The following CDCA2 variants were observed in gnomAD, a reference collection of about 807,000 sequenced individuals.
The protein encoded by CDCA2 is cell division cycle associated 2, also known as cell division cycle-associated protein 2.
Under a neutral mutation model 67.0 loss-of-function variants are expected in CDCA2, and 44 were observed. The observed-to-expected ratio is 0.66, with a 90% CI of 0.52 to 0.84. The LOEUF (loss-of-function observed/expected upper bound fraction) is 0.84, where lower values mean the gene tolerates loss of function less well. CDCA2 is among the 40% of genes least tolerant of loss of function. CDCA2 has a pLI of 0.00. For missense variants in CDCA2, 1,253 were observed against 1,203.2 expected, an observed-to-expected ratio of 1.04 and a Z score of -0.61; for synonymous variants, 447 against 418.7, an observed-to-expected ratio of 1.07 and a Z score of -0.82.
At chr8:25,491,639 GAGA>G (rs1804007153) in intron 13 of CDCA2, among the ~76,000 whole-genome samples, 1 of 152,140 alleles carries the variant, frequency 6.6e-6, no homozygotes, top group Admixed American at 6.5e-5. Flanking sequence ...TTTATTTTGA[GAGA>G]AGGTCTCACT....
At chr8:25,487,399 A>G (rs1287243870) in intron 12 of CDCA2, 65 bp downstream of exon 12, 8 of 1,005,928 alleles carry the variant, frequency 8.0e-6, no homozygotes, top group Admixed American at 4.1e-5. Flanking sequence ...TTCTGTTTTC[A>G]TGGCCAAATG....
chr8:25,482,519 A>G (rs1269826050), intron 8 of CDCA2, among the ~76,000 whole-genome samples: 1 of 152,258 alleles, frequency 6.6e-6, no homozygotes, highest in Non-Finnish European at 1.5e-5. Context: ...AAACAATAAC[A>G]TATAACAGCA....
intron 7 of CDCA2, among the ~76,000 whole-genome samples, chr8:25,475,372 A>C (rs1321364706): frequency 6.6e-6 from 1 of 152,102 alleles, no homozygotes; most frequent in African/African-American, 2.4e-5. Context: ...TACAAAAATT[A>C]GCCAGGCGTG....
chr8:25,479,254 C>T (rs551792165), intron 7 of CDCA2, among the ~76,000 whole-genome samples: 36 of 152,232 alleles, frequency 2.4e-4, no homozygotes, highest in African/African-American at 8.7e-4. Context: ...CTCCCTCCTC[C>T]CTGCTGTGAG....
Position 25,479,948 on chromosome 8 carries a change from T to C in CDCA2, c.856T>C (p.Ser286Pro), listed in dbSNP as rs1490437899. 1 of 1,614,042 alleles carries C rather than the reference T, an allele frequency of 6.2e-7. No individual in the cohort carries two copies. Among genetic ancestry groups the C allele is most frequent in the Middle Eastern group, 1.6e-4 (1 of 6,084 alleles). ...KVADCVVGKG[S>P]SDAVSPDTFT... ...TGCTGACTGTGTAGTGGGCAAAGGATCAAGTGATGCCGTTTCGCCTGACAC... is the reference window on the plus strand; with the variant it reads ...TGCTGACTGTGTAGTGGGCAAAGGACCAAGTGATGCCGTTTCGCCTGACAC... The change falls in exon 8 of 15, where the codon TCA (serine) becomes CCA (proline). Residue 286 changes from serine to proline, a missense_variant. Transcript: ENST00000330560.
At chr8:25,487,139 A>C in intron 11 of CDCA2, 107 bp from the exon 12 acceptor site, 1 of 671,362 alleles carries the variant, frequency 1.5e-6, no homozygotes, top group Non-Finnish European at 2.6e-6. Context: ...TTTTTTGTTT[A>C]GATATGGTAT....
At chr8:25,465,177 T>G (rs1252434508) in intron 4 of CDCA2, among the ~76,000 whole-genome samples, 1 of 152,200 alleles carries the variant, frequency 6.6e-6, no homozygotes, top group African/African-American at 2.4e-5. Context: ...TTTCACCATG[T>G]TAGCCAGGCT....
At chr8:25,480,181 AG>A (rs1803514434) in intron 8 of CDCA2, 57 bp downstream of exon 8, 1 of 1,344,416 alleles carries the variant, frequency 7.4e-7, no homozygotes, top group African/African-American at 1.4e-5. Context: ...TTTGCTTCAA[AG>A]TAATACCCTT....
chr8:25,493,940 T>C (rs1246592623), intron 13 of CDCA2, among the ~76,000 whole-genome samples: 3 of 152,186 alleles, frequency 2.0e-5, no homozygotes, highest in African/African-American at 2.4e-5. Flanking sequence ...TACAAAAATA[T>C]ATGTTTATTT....
chr8:25,501,138 G>A (rs1804458415), intron 13 of CDCA2, among the ~76,000 whole-genome samples: 1 of 152,156 alleles, frequency 6.6e-6, no homozygotes, highest in Admixed American at 6.5e-5. Context: ...TTTTCCTAAT[G>A]TGTATAGAGA....
chr8:25,501,578 C>G lies in CDCA2; in HGVS notation c.1672-1795C>G, dbSNP rs114630254. 4.8e-3 allele frequency among the ~76,000 whole-genome samples: 734 copies of G among 152,354 alleles called. 7 individuals are homozygous for G. Among genetic ancestry groups the G allele is most frequent in the African/African-American group, 0.017 (714 of 41,580 alleles). On this transcript the variant is annotated intron_variant, in intron 13 of 14. Coordinates refer to ENST00000330560, the MANE Select transcript of CDCA2 (RefSeq NM_152562.4). The stretch of plus-strand genomic sequence containing the variant: ...GAGTTCATGCACATGGCATTCCCTT[C>G]TCTTTGAAGAGCCTTTCTGCATCGC...
intron 10 of CDCA2, 138 bp downstream of exon 10, chr8:25,484,348 T>C (rs1297993329): frequency 4.1e-6 from 5 of 1,230,704 alleles, no homozygotes; most frequent in Non-Finnish European, 5.6e-6. Flanking sequence ...ATCTATTTTG[T>C]ATGTAGGTTT....
rs769313423 is a variant in CDCA2 at position 25,462,055 on chromosome 8, A to G, written c.234A>G (p.Gly78=). ...ATTTATAAGAGAGTTTCATTACAGG[A>G]AAGTCATCATCCTACCTTAAAAAAT... ...TPESFVRNSA[G]KSSSYLKKCR... The change falls in exon 4 of 15, where the codon GGA becomes GGG. Residue 78 remains glycine (G), a splice_region_variant and synonymous_variant. Coordinates refer to ENST00000330560, the MANE Select transcript of CDCA2 (RefSeq NM_152562.4). 17 of 1,612,482 alleles carry G rather than the reference A, an allele frequency of 1.1e-5. No individual in the cohort carries two copies. Among genetic ancestry groups the G allele is most frequent in the Non-Finnish European group, 1.3e-5 (15 of 1,178,802 alleles).
intron 6 of CDCA2, among the ~76,000 whole-genome samples, 200 bp from the exon 7 acceptor site, chr8:25,469,696 A>G (rs1429788986): frequency 9.2e-4 from 16 of 17,326 alleles, no homozygotes; most frequent in Non-Finnish European, 2.4e-3. Context: ...AGATTCCTGT[A>G]CACTTTGAGA....
intron 13 of CDCA2, among the ~76,000 whole-genome samples, chr8:25,502,054 C>T (rs773269302): frequency 1.3e-5 from 2 of 152,114 alleles, no homozygotes; most frequent in Admixed American, 6.6e-5. Context: ...CGCACCACCA[C>T]GCCCAGTTAA....
chr8:25,466,840 C>T (rs1246960857), intron 5 of CDCA2, among the ~76,000 whole-genome samples: 1 of 151,704 alleles, frequency 6.6e-6, no homozygotes, highest in Non-Finnish European at 1.5e-5. Context: ...GTCAGGAGTT[C>T]AAGACCAGCC....
intron 13 of CDCA2, among the ~76,000 whole-genome samples, chr8:25,495,339 A>C (rs908421190): frequency 1.4e-4 from 21 of 152,298 alleles, no homozygotes; most frequent in African/African-American, 4.1e-4. Context: ...AAATTTGACA[A>C]ATTCTTACTA....
intron 4 of CDCA2, among the ~76,000 whole-genome samples, chr8:25,465,887 G>A (rs1176664949): frequency 6.6e-6 from 1 of 152,170 alleles, no homozygotes; most frequent in Non-Finnish European, 1.5e-5. Flanking sequence ...CAAATAGACA[G>A]GTTCCTCCTG....
Position 25,481,855 on chromosome 8 carries a change from A to G in CDCA2, c.1033-1544A>G, listed in dbSNP as rs187166091. 2.4e-4 allele frequency among the ~76,000 whole-genome samples: 36 copies of G among 152,360 alleles called. 1 individual carries two copies. The highest frequency in any genetic ancestry group is 1.7e-3 in the South Asian group (8 of 4,826). ...GTTGTATAAGTTAACTTATTTTGCAATATTGGTATGTACATTTTCCTGGTC... is the reference window on the plus strand; with the variant it reads ...GTTGTATAAGTTAACTTATTTTGCAGTATTGGTATGTACATTTTCCTGGTC... On this transcript the variant is annotated intron_variant, in intron 8 of 14. Transcript: ENST00000330560.
Sources: gnomAD v4.1 joint callset for allele counts (sites outside exome capture counted in the v4.1 genomes callset) on GRCh38, gnomAD v4.1.1 for gene constraint, MANE v1.5 for transcripts, NCBI Gene and HGNC (gene_info 2026-07-23, HGNC 2026-07-21) for gene names.